The following ZNF81 variants were observed in gnomAD, a reference collection of about 807,000 sequenced individuals.
ZNF81 encodes zinc finger protein 81 (HFZ20).
Under a neutral mutation model 32.3 loss-of-function variants are expected in ZNF81, and 5 were observed. The ratio of observed to expected loss-of-function variants is 0.15; its 90% CI spans 0.08 to 0.33. The LOEUF is 0.33. ZNF81 is among the 10% of genes least tolerant of loss of function. ZNF81 has a pLI of 1.00. For synonymous variants in ZNF81, 163 were observed against 166.8 expected (o/e 0.98, Z 0.17); for missense variants, 379 against 479.8 (o/e 0.79, Z 1.96).
chrX:47,884,316 G>A (rs1469824150), intron 2 of ZNF81, among the ~76,000 whole-genome samples: 1 of 104,867 alleles, frequency 9.5e-6, no homozygotes, highest in East Asian at 3.0e-4. Flanking sequence ...GGCTCTTCTC[G>A]CTTGCTCTGA....
intron 4 of ZNF81, 82 bp from the exon 5 acceptor site, chrX:47,914,842 A>C: frequency 1.1e-6 from 1 of 943,321 alleles, no homozygotes; most frequent in East Asian, 3.3e-5. Context: ...CCATGTGTTC[A>C]ATTTGTATTA....
chrX:47,895,361 G>A (rs782203163), intron 3 of ZNF81, among the ~76,000 whole-genome samples: 15 of 111,337 alleles, frequency 1.3e-4, no homozygotes, highest in South Asian at 3.8e-4. Context: ...ACAAGCATGC[G>A]TAGAGGGAAG....
At chrX:47,854,785 C>T (rs2058509333) in intron 2 of ZNF81, among the ~76,000 whole-genome samples, 1 of 111,783 alleles carries the variant, frequency 8.9e-6, no homozygotes, top group Admixed American at 9.5e-5. Flanking sequence ...GATCACTGAT[C>T]ACAGAGTACC....
At chrX:47,878,338 C>A (rs2058607713) in intron 2 of ZNF81, among the ~76,000 whole-genome samples, 1 of 112,231 alleles carries the variant, frequency 8.9e-6, no homozygotes, top group Non-Finnish European at 1.9e-5. Context: ...GACAGAGGGA[C>A]CAGGCATGGA....
At chrX:47,873,396 C>G (rs1227483508) in intron 2 of ZNF81, among the ~76,000 whole-genome samples, 1 of 111,586 alleles carries the variant, frequency 9.0e-6, no homozygotes, top group Non-Finnish European at 1.9e-5. Flanking sequence ...AGTTTCCACC[C>G]CTGAAACTCC....
intron 2 of ZNF81, among the ~76,000 whole-genome samples, chrX:47,857,429 C>A (rs138163701): frequency 0.012 from 1,316 of 112,201 alleles, 10 homozygotes; most frequent in Middle Eastern, 0.037. Context: ...CATAAATCAC[C>A]TTACAAAATA....
chrX:47,864,759 G>A (rs782026922), intron 2 of ZNF81, among the ~76,000 whole-genome samples: 1 of 111,667 alleles, frequency 9.0e-6, no homozygotes, highest in South Asian at 3.8e-4. Flanking sequence ...CCTTACCATA[G>A]GCATCTATGG....
intron 2 of ZNF81, among the ~76,000 whole-genome samples, chrX:47,884,237 G>A (rs2058632253): frequency 1.7e-5 from 1 of 58,027 alleles, no homozygotes; most frequent in Non-Finnish European, 3.0e-5. Flanking sequence ...AGAGCGAGAC[G>A]TCATCTAAAA....
Position 47,861,925 on chromosome X carries a change from G to A in ZNF81, c.54+15604G>A, listed in dbSNP as rs1179389350. ...CCAGAATGTTTCCAGGGCCAAGGTAGCATTATTAATCACCTCGGCTAAAAT... is the reference window on the plus strand; with the variant it reads ...CCAGAATGTTTCCAGGGCCAAGGTAACATTATTAATCACCTCGGCTAAAAT... On this transcript the variant is annotated intron_variant, in intron 2 of 4. Transcript: ENST00000338637. 2.7e-5 allele frequency among the ~76,000 whole-genome samples: 3 copies of A among 112,070 alleles called. No homozygotes were observed. In the East Asian group the frequency reaches 8.4e-4, roughly 31 times the overall value.
At chrX:47,844,310 A>G (rs912196525) in intron 1 of ZNF81, among the ~76,000 whole-genome samples, 2 of 111,586 alleles carry the variant, frequency 1.8e-5, no homozygotes, top group African/African-American at 6.5e-5. Flanking sequence ...TCATTAGCAG[A>G]CATTTACCAT....
chrX:47,837,871 A>G (rs2058431617), intron 1 of ZNF81, among the ~76,000 whole-genome samples: 1 of 112,138 alleles, frequency 8.9e-6, no homozygotes, highest in African/African-American at 3.2e-5. Context: ...TCTACAAAGC[A>G]TCTTGCTTGG....
chrX:47,876,394 T>C (rs2058599739), intron 2 of ZNF81, among the ~76,000 whole-genome samples: 1 of 112,285 alleles, frequency 8.9e-6, no homozygotes, highest in African/African-American at 3.2e-5. Context: ...GCTCAGATTG[T>C]CCTTGATGAG....
At chrX:47,886,507 C>T (rs2058642229) in intron 2 of ZNF81, among the ~76,000 whole-genome samples, 2 of 111,016 alleles carry the variant, frequency 1.8e-5, no homozygotes, top group South Asian at 7.6e-4. Context: ...CTGGATTCCC[C>T]CTTGATTTTC....
chrX:47,865,424 T>C (rs781826987), intron 2 of ZNF81, among the ~76,000 whole-genome samples: 22 of 111,776 alleles, frequency 2.0e-4, no homozygotes, highest in Non-Finnish European at 4.0e-4. Context: ...GTAAGGACAA[T>C]GAAAAATCCA....
At chrX:47,899,861 A>G (rs938692971) in intron 4 of ZNF81, among the ~76,000 whole-genome samples, 14 of 111,485 alleles carry the variant, frequency 1.3e-4, no homozygotes, top group East Asian at 8.4e-4. Context: ...ATGTTGTCCA[A>G]TTTAATCCTG....
chrX:47,895,360 C>T (rs980924060), intron 3 of ZNF81, among the ~76,000 whole-genome samples: 3 of 111,015 alleles, frequency 2.7e-5, no homozygotes, highest in Non-Finnish European at 3.8e-5. Context: ...TACAAGCATG[C>T]GTAGAGGGAA....
rs2058764956 is a variant in ZNF81 at position 47,918,462 on chromosome X, A to G, written c.*1830A>G. 9.0e-6 allele frequency: 1 copy of G among 111,694 alleles called. No individual in the cohort carries two copies. Among genetic ancestry groups the G allele is most frequent in the South Asian group, 3.7e-4 (1 of 2,668 alleles). The allele number at this position is 111,694 out of a possible 1,213,427, so 9.2% of individuals were successfully genotyped here. On this transcript the variant is annotated 3_prime_UTR_variant, in exon 5 of 5. Coordinates refer to ENST00000338637, the MANE Select transcript of ZNF81 (RefSeq NM_007137.5). ...TACTACTCAAAGTGGAGAGAGACCT[A>G]TCTTAAAAAGAATTGCTGATGTGGC...
chrX:47,878,357 G>A (rs2058607751), intron 2 of ZNF81, among the ~76,000 whole-genome samples: 1 of 112,275 alleles, frequency 8.9e-6, no homozygotes, highest in Admixed American at 9.4e-5. Flanking sequence ...GAGTGAGATG[G>A]TGCGGCGCCA....
At chrX:47,862,379 C>T (rs181846715) in intron 2 of ZNF81, among the ~76,000 whole-genome samples, 155 of 109,465 alleles carry the variant, frequency 1.4e-3, no homozygotes, top group Non-Finnish European at 2.2e-3. Flanking sequence ...AAAAATTAGC[C>T]GGGCGTGGTG....
Sources: allele counts gnomAD v4.1 joint callset (sites outside exome capture counted in the v4.1 genomes callset), GRCh38; gene constraint gnomAD v4.1.1; transcripts MANE v1.5; gene names NCBI Gene and HGNC (gene_info 2026-07-23, HGNC 2026-07-21).